TMEM230: variants seen among roughly 807,000 people sequenced by gnomAD.
The protein encoded by TMEM230 is UPF0414 transmembrane protein C20orf30.
A neutral mutation model predicts 15.8 loss-of-function variants in TMEM230; 10 were observed. The observed-to-expected ratio is 0.63, with a 90% CI of 0.39 to 1.07. The LOEUF is 1.07. Ranked by LOEUF, TMEM230 falls within the 50% of genes least tolerant of loss-of-function variation. The pLI is 0.01. For synonymous variants in TMEM230, 67 were observed against 76.9 expected, an observed-to-expected ratio of 0.87 and a Z score of 0.68; for missense variants, 165 against 193.3, an observed-to-expected ratio of 0.85 and a Z score of 0.87.
chr20:5,102,818 C>T (rs546907844), intron 4 of TMEM230, among the ~76,000 whole-genome samples: 12 of 151,812 alleles, frequency 7.9e-5, no homozygotes, highest in South Asian at 2.1e-4. Flanking sequence ...AAAGACACAT[C>T]GAAAAAACAA....
intron 3 of TMEM230, among the ~76,000 whole-genome samples, chr20:5,072,389 A>C (rs562104183): frequency 6.6e-6 from 1 of 152,240 alleles, no homozygotes; most frequent in African/African-American, 2.4e-5. Context: ...GCGAGTTTGC[A>C]GGACCATAGT....
chr20:5,070,854 C>T (rs1407490129), intron 3 of TMEM230, among the ~76,000 whole-genome samples: 1 of 152,154 alleles, frequency 6.6e-6, no homozygotes, highest in Non-Finnish European at 1.5e-5. Flanking sequence ...ATAGCCTTGA[C>T]CTGTTGCACT....
chr20:5,075,621 A>G (rs2088967250), intron 3 of TMEM230, among the ~76,000 whole-genome samples: 1 of 151,888 alleles, frequency 6.6e-6, no homozygotes, highest in Non-Finnish European at 1.5e-5. Context: ...GCTACTCGGG[A>G]GGATGAAGCA....
intron 1 of TMEM230, among the ~76,000 whole-genome samples, chr20:5,112,338 T>A (rs934047638): frequency 1.3e-5 from 2 of 152,240 alleles, no homozygotes; most frequent in Non-Finnish European, 2.9e-5. Context: ...GTTTTTAGTG[T>A]TGTGATCCCG....
chr20:5,082,918 T>C (rs2089223222), intron 3 of TMEM230, among the ~76,000 whole-genome samples: 1 of 134,696 alleles, frequency 7.4e-6, no homozygotes, highest in Non-Finnish European at 1.5e-5. Flanking sequence ...TAATTCTTCA[T>C]ATTGTTTTTT....
At chr20:5,084,746 C>G (rs527533931) in intron 3 of TMEM230, among the ~76,000 whole-genome samples, 12 of 152,196 alleles carry the variant, frequency 7.9e-5, no homozygotes, top group African/African-American at 2.9e-4. Context: ...GTTGGCCAGG[C>G]CAGTCTCAAA....
the TMEM230 span, among the ~76,000 whole-genome samples, chr20:5,061,876 T>C: frequency 6.6e-6 from 1 of 152,198 alleles, no homozygotes; most frequent in Admixed American, 6.5e-5. Flanking sequence ...AAGAGGGTTC[T>C]ATTACAGATT....
intron 4 of TMEM230, among the ~76,000 whole-genome samples, chr20:5,105,630 C>T (rs1437143195): frequency 1.3e-5 from 2 of 152,118 alleles, no homozygotes; most frequent in African/African-American, 4.8e-5. Flanking sequence ...ATGATGAATG[C>T]TTGAGGGGAT....
chr20:5,080,351 C>A (rs1349253602), intron 3 of TMEM230, among the ~76,000 whole-genome samples: 1 of 152,016 alleles, frequency 6.6e-6, no homozygotes, highest in Non-Finnish European at 1.5e-5. Context: ...TCTTTTTGTA[C>A]CAGTTTCATA....
intron 3 of TMEM230, among the ~76,000 whole-genome samples, chr20:5,094,106 G>A (rs921208437): frequency 1.3e-5 from 2 of 151,510 alleles, no homozygotes; most frequent in Admixed American, 6.6e-5. Flanking sequence ...TTACAGGCAC[G>A]TGCCACCATA....
At chr20:5,074,528 C>CCACT (rs1259999308) in intron 3 of TMEM230, among the ~76,000 whole-genome samples, 8 of 147,552 alleles carry the variant, frequency 5.4e-5, no homozygotes, top group Non-Finnish European at 1.0e-4. Context: ...TCAGGCCTAA[C>CCACT]CACTGCTTTA....
intron 1 of TMEM230, chr20:5,111,808 C>T (rs749622809): frequency 3.1e-6 from 3 of 979,050 alleles, no homozygotes; most frequent in African/African-American, 3.5e-5. Flanking sequence ...TTTGTACATA[C>T]CTAATTCCAA....
intron 1 of TMEM230, chr20:5,111,856 C>CT (rs1422996707): frequency 5.7e-5 from 52 of 912,974 alleles, no homozygotes; most frequent in Middle Eastern, 5.7e-4. Context: ...TTGGTGTTTT[C>CT]TTTTTTTTGA....
chr20:5,099,549 AATGCTGACTCCCAAATT>A (rs1489625758), downstream of TMEM230, among the ~76,000 whole-genome samples: 1 of 152,080 alleles, frequency 6.6e-6, no homozygotes, highest in African/African-American at 2.4e-5. Context: ...ATACTGTCCA[AATGCTGACTCCCAAATT>A]TCTATTTCCA....
At chr20:5,088,688 A>T (rs1028083150) in intron 3 of TMEM230, among the ~76,000 whole-genome samples, 15 of 151,804 alleles carry the variant, frequency 9.9e-5, no homozygotes, top group East Asian at 3.9e-4. Flanking sequence ...AATTAAAAAA[A>T]ATTTTTTTGT....
intron 3 of TMEM230, among the ~76,000 whole-genome samples, chr20:5,107,660 T>A (rs115617355): frequency 0.02 from 3,034 of 152,114 alleles, 96 homozygotes; most frequent in African/African-American, 0.069. Flanking sequence ...CAAAAAATTT[T>A]AAAATTAGCT....
chr20:5,086,972 C>T (rs975884476), intron 3 of TMEM230, among the ~76,000 whole-genome samples: 8 of 152,154 alleles, frequency 5.3e-5, no homozygotes, highest in African/African-American at 1.9e-4. Flanking sequence ...CTCCCAGGCT[C>T]AAGCAATCAT....
Position 5,109,333 on chromosome 20 carries a change from T to C in TMEM230, c.287A>G (p.Gln96Arg). The C allele has an allele frequency of 6.2e-7, 1 of 1,610,442 alleles. No homozygotes were observed. Among genetic ancestry groups the C allele is most frequent in the East Asian group, 2.2e-5 (1 of 44,854 alleles). The change falls in exon 3 of 5, where the codon CAG becomes CGG. Residue 96 changes from glutamine (Q) to arginine (R), a missense_variant and splice_region_variant. Coordinates refer to ENST00000342308, the MANE Select transcript of TMEM230 (RefSeq NM_001009923.2). ...TTGTCAGTTCTCTTCTGCATTTACCTGAAGGTCAATGTAGCCATCGTCTGT... is the reference window on the plus strand; with the variant it reads ...TTGTCAGTTCTCTTCTGCATTTACCCGAAGGTCAATGTAGCCATCGTCTGT...
At chr20:5,062,608 A>C in the TMEM230 span, among the ~76,000 whole-genome samples, 1 of 151,850 alleles carries the variant, frequency 6.6e-6, no homozygotes, top group African/African-American at 2.4e-5. Context: ...ACAAAAATAC[A>C]AAAAATTAGC....
Sources: allele counts gnomAD v4.1 joint callset (sites outside exome capture counted in the v4.1 genomes callset), GRCh38; gene constraint gnomAD v4.1.1; transcripts MANE v1.5; gene names NCBI Gene and HGNC (gene_info 2026-07-23, HGNC 2026-07-21).